The following ADGRL4 variants were observed in gnomAD, a reference collection of about 807,000 sequenced individuals.
ADGRL4 encodes EGF, latrophilin and seven transmembrane domain containing 1.
Under a neutral mutation model 74.8 loss-of-function variants are expected in ADGRL4, and 90 were observed. The ratio of observed to expected loss-of-function variants is 1.20; its 90% CI spans 1.02 to 1.43. The LOEUF (loss-of-function observed/expected upper bound fraction) is 1.43. ADGRL4 is among the 40% of genes most tolerant of loss of function. The pLI, the probability that ADGRL4 is intolerant of heterozygous loss-of-function variation, is 0.00. For missense variants in ADGRL4, 881 were observed against 814.3 expected (o/e 1.08, Z -1.00); for synonymous variants, 311 against 279.2 (o/e 1.11, Z -1.14).
intron 2 of ADGRL4, among the ~76,000 whole-genome samples, chr1:78,959,684 T>C (rs1649905760): frequency 6.6e-6 from 1 of 152,216 alleles, no homozygotes; most frequent in African/African-American, 2.4e-5. Flanking sequence ...TATTTCCTTG[T>C]ATTTTATTGG....
At chr1:78,945,758 A>C (rs753813506) in intron 3 of ADGRL4, among the ~76,000 whole-genome samples, 13 of 152,224 alleles carry the variant, frequency 8.5e-5, no homozygotes, top group Non-Finnish European at 1.9e-4. Context: ...GAATTTTCTG[A>C]CTCTAGTGTT....
intron 7 of ADGRL4, among the ~76,000 whole-genome samples, chr1:78,934,463 T>C (rs1649311918): frequency 6.6e-6 from 1 of 152,174 alleles, no homozygotes; most frequent in African/African-American, 2.4e-5. Flanking sequence ...GAAGAAAATG[T>C]AGGTAATACC....
rs530318570 is a variant in ADGRL4 at position 78,937,139 on chromosome 1, T to C, written c.760+668A>G. Among the ~76,000 whole-genome samples the C allele has an allele frequency of 1.1e-4, 17 of 152,304 alleles. No individual in the cohort carries two copies. The South Asian group carries it at 3.3e-3, about 30-fold the overall frequency. On this transcript the variant is annotated intron_variant, in intron 6 of 14. Transcript: ENST00000370742. ...TATGAACATGCAAAGGATTCTTAAA[T>C]AGAAGTTTAAATGTGTTATATCCGG...
At chr1:78,936,248 A>G in intron 7 of ADGRL4, 47 bp downstream of exon 7, 1 of 1,549,868 alleles carries the variant, frequency 6.5e-7, no homozygotes, top group Non-Finnish European at 8.7e-7. Context: ...ATAAATATTT[A>G]TTGCAAATTC....
In ADGRL4 at chr1:78,958,317, C is replaced by A. The variant is rs74906236; in HGVS notation, c.173-11891G>T. Among the ~76,000 whole-genome samples the A allele has an allele frequency of 3.0e-4, 45 of 152,076 alleles. 1 individual carries two copies. The East Asian group carries it at 8.5e-3, about 29-fold the overall frequency. On this transcript the variant is annotated intron_variant, in intron 2 of 14. Transcript: ENST00000370742. The stretch of plus-strand genomic sequence containing the variant: ...ATACACTTTTATAAGGTTGTAGATG[C>A]CATAGATAATGATTCCTCTGATGGA...
chr1:78,996,266 A>G (rs1185831458), intron 2 of ADGRL4, among the ~76,000 whole-genome samples: 5 of 152,152 alleles, frequency 3.3e-5, no homozygotes, highest in African/African-American at 7.2e-5. Context: ...TTTGAAAAGT[A>G]CTTTCTCTCT....
At chr1:78,940,851 CA>C (rs1422327174) in intron 3 of ADGRL4, among the ~76,000 whole-genome samples, 4 of 152,104 alleles carry the variant, frequency 2.6e-5, no homozygotes, top group African/African-American at 9.7e-5. Context: ...ACCTAGAAAA[CA>C]CATCCAAATT....
At chr1:78,891,759 C>T in intron 13 of ADGRL4, 67 bp from the exon 14 acceptor site, 1 of 1,394,178 alleles carries the variant, frequency 7.2e-7, no homozygotes. Context: ...CCAAATTACT[C>T]AAATTATGTG....
At chr1:78,941,569 T>G (rs954712002) in intron 3 of ADGRL4, among the ~76,000 whole-genome samples, 1 of 152,166 alleles carries the variant, frequency 6.6e-6, no homozygotes, top group Non-Finnish European at 1.5e-5. Flanking sequence ...CCCCTTTTTT[T>G]TTTAAATGTG....
intron 2 of ADGRL4, among the ~76,000 whole-genome samples, chr1:78,954,543 C>T (rs1022773074): frequency 2.0e-5 from 3 of 152,004 alleles, no homozygotes; most frequent in Non-Finnish European, 2.9e-5. Flanking sequence ...AGACACAGCA[C>T]GTCAGATTAT....
intron 2 of ADGRL4, among the ~76,000 whole-genome samples, chr1:79,002,543 T>C (rs865844256): frequency 1.3e-5 from 2 of 152,112 alleles, no homozygotes; most frequent in African/African-American, 4.8e-5. Context: ...GAAGAGCCAT[T>C]GGCAGGTATT....
At chr1:78,981,089 T>C (rs1456510328) in intron 2 of ADGRL4, among the ~76,000 whole-genome samples, 1 of 151,868 alleles carries the variant, frequency 6.6e-6, no homozygotes, top group African/African-American at 2.4e-5. Flanking sequence ...CCTCTCAGAA[T>C]TTTTGTGAAA....
At chr1:78,988,899 T>C (rs1011023475) in intron 2 of ADGRL4, among the ~76,000 whole-genome samples, 1 of 151,900 alleles carries the variant, frequency 6.6e-6, no homozygotes, top group Non-Finnish European at 1.5e-5. Flanking sequence ...AAAATATATA[T>C]GTACTTCTCT....
chr1:78,897,786 G>C (rs1648428820), intron 12 of ADGRL4, among the ~76,000 whole-genome samples: 1 of 152,042 alleles, frequency 6.6e-6, no homozygotes, highest in African/African-American at 2.4e-5. Flanking sequence ...GGTAAATAAA[G>C]AAAAATGTAA....
At chr1:78,916,349 T>A (rs539815714) in intron 12 of ADGRL4, among the ~76,000 whole-genome samples, 1 of 151,884 alleles carries the variant, frequency 6.6e-6, no homozygotes, top group Non-Finnish European at 1.5e-5. Context: ...GATTTTCCTA[T>A]GGTGAGAAAA....
intron 12 of ADGRL4, among the ~76,000 whole-genome samples, chr1:78,914,053 T>C (rs1648818012): frequency 6.6e-6 from 1 of 151,870 alleles, no homozygotes; most frequent in South Asian, 2.1e-4. Flanking sequence ...TGGTTTACAA[T>C]GCTAACTACT....
At chr1:78,981,152 C>T (rs1650390168) in intron 2 of ADGRL4, among the ~76,000 whole-genome samples, 1 of 151,920 alleles carries the variant, frequency 6.6e-6, no homozygotes, top group African/African-American at 2.4e-5. Flanking sequence ...GGCCCCTCAA[C>T]AATCCCTTTC....
chr1:79,002,561 C>T (rs192430958), intron 2 of ADGRL4, among the ~76,000 whole-genome samples: 9 of 152,028 alleles, frequency 5.9e-5, no homozygotes, highest in African/African-American at 9.6e-5. Context: ...ATTAAGTAGC[C>T]GAGTTACATG....
intron 12 of ADGRL4, among the ~76,000 whole-genome samples, chr1:78,911,080 C>A (rs1349138440): frequency 1.3e-5 from 2 of 151,738 alleles, no homozygotes; most frequent in Admixed American, 6.6e-5. Context: ...TTATATATTA[C>A]CTCAAAGGCA....
Sources: gnomAD v4.1 joint callset for allele counts (sites outside exome capture counted in the v4.1 genomes callset) on GRCh38, gnomAD v4.1.1 for gene constraint, MANE v1.5 for transcripts, NCBI Gene and HGNC (gene_info 2026-07-23, HGNC 2026-07-21) for gene names.